The following ARHGEF1 variants were observed in gnomAD, a reference collection of about 807,000 sequenced individuals.
ARHGEF1 encodes Rho guanine nucleotide exchange factor 1, also known as 115 kDa guanine nucleotide exchange factor.
A neutral mutation model predicts 119.7 loss-of-function variants in ARHGEF1; 40 were observed. The ratio of observed to expected loss-of-function variants is 0.33; its 90% confidence interval spans 0.26 to 0.44. The LOEUF is 0.44. Among genes scored for constraint, ARHGEF1 ranks in the 20% least tolerant of loss-of-function variants. The pLI is 1.00. For missense variants in ARHGEF1, 976 were observed against 1,268.3 expected (o/e 0.77, Z 3.50); for synonymous variants, 494 against 521.0 (o/e 0.95, Z 0.71).
At chr19:41,912,957 G>A (rs1230758992) in intron 18 of ARHGEF1, 4 of 1,125,332 alleles carry the variant, frequency 3.6e-6, no homozygotes, top group Non-Finnish European at 4.5e-6. Flanking sequence ...AGGGACACAC[G>A]GGGACGGGGT....
At chr19:41,885,547 C>T (rs561093908) in intron 1 of ARHGEF1, among the ~76,000 whole-genome samples, 8 of 150,738 alleles carry the variant, frequency 5.3e-5, no homozygotes, top group South Asian at 4.2e-4. Context: ...CTGCAACCTC[C>T]GCCTCCCGGA....
chr19:41,897,450 C>A, intron 13 of ARHGEF1: 1 of 640,776 alleles, frequency 1.6e-6, no homozygotes, highest in Non-Finnish European at 2.2e-6. Flanking sequence ...GGGACATCAC[C>A]CTCCCAGTTG....
rs2074398351 is a variant in ARHGEF1, at chr19:41,892,793, CG to C, written c.559del (p.Glu187ArgfsTer63). On this transcript the variant is annotated frameshift_variant, in exon 7 of 29. Coordinates refer to ENST00000354532, the MANE Select transcript of ARHGEF1 (RefSeq NM_004706.4). LOFTEE classifies it high-confidence loss of function. This position sits in a 1 kb window ranked among gnomAD's most constrained non-coding sequence, Gnocchi z 6.3. ...AWVGRDRASY[E>X]ARERHVAERL... ...GGGTTGGGCGGGACCGAGCCAGCTA[CG>C]AGGCCCGGGAGCGGCACGTGGCGGA... The C allele has an allele frequency of 6.3e-7, 1 of 1,597,970 alleles. No homozygotes were observed. The highest frequency in any genetic ancestry group is 1.3e-5 in the African/African-American group (1 of 74,794).
rs782296067 is a variant in ARHGEF1 at position 41,895,462 on chromosome 19, C to G, written c.991C>G (p.Leu331Val). Residue 331 changes from leucine (L) to valine (V), a missense_variant, in exon 12 of 29, where the codon CTG becomes GTG. By Grantham distance (32) the Leu-to-Val change is conservative (BLOSUM62 1). Around this residue, in one of 3 missense-constraint regions of ARHGEF1, gnomAD observed 519 missense variants for 580.9 expected, o/e 0.89. Transcript: ENST00000354532. ...TPGVSLHPLS[L>V]DSPDREPGAD... ...TGGAGTCTCTCTGCACCCTCTGTCC[C>G]TGGACAGCCCAGACCGGGAACCAGG... 4 of 1,608,906 alleles carry G rather than the reference C, an allele frequency of 2.5e-6. No homozygotes were observed. The highest frequency in any genetic ancestry group is 3.4e-6 in the Non-Finnish European group (4 of 1,177,480).
chr19:41,884,314 C>CGGGGCCG (rs2074260290), intron 1 of ARHGEF1: 1 of 1,149,300 alleles, frequency 8.7e-7, no homozygotes, highest in African/African-American at 1.5e-5. Context: ...GTAGAGTCGT[C>CGGGGCCG]GGGGCCGGAG....
Position 41,888,719 on chromosome 19 carries a change from C to A in ARHGEF1, c.112-33C>A. Reference sequence around the variant, plus strand: ...TCAACCCTAAGGCCCCTCCTCTTCTCCCCATTGTACTCACCCCTTCCTGCA... The same window carrying A: ...TCAACCCTAAGGCCCCTCCTCTTCTACCCATTGTACTCACCCCTTCCTGCA... On this transcript the variant is annotated intron_variant, in intron 3 of 28. Transcript: ENST00000354532. This position sits in a 1 kb window ranked among gnomAD's most constrained non-coding sequence, Gnocchi z 5.1. 6.3e-7 allele frequency: 1 copy of A among 1,595,106 alleles called. No individual in the cohort carries two copies. The highest frequency in any genetic ancestry group is 1.1e-5 in the South Asian group (1 of 90,604).
downstream of ARHGEF1, chr19:41,909,299 C>A: frequency 8.1e-7 from 1 of 1,234,694 alleles, no homozygotes; most frequent in Non-Finnish European, 1.0e-6. This position sits in a 1 kb window ranked among gnomAD's most constrained non-coding sequence, Gnocchi z 5.2. Flanking sequence ...GGAGGAGCAT[C>A]TGGCCCTGGG....
Position 41,929,724 on chromosome 19 carries a change from C to T in ARHGEF1, c.368C>T (p.Pro123Leu), listed in dbSNP as rs2074894034. The change falls in exon 3 of 3, where the codon CCT becomes CTT. Residue 123 changes from proline to leucine, a missense_variant. Physicochemically the swap from Pro to Leu is moderately conservative, Grantham distance 98 (BLOSUM62 -3). Transcript: ENST00000594417. ...AAGGCAGCTCTCACCTGGGCAGCCCCTGGAGGCTTCTACCCCTAGAGGGGA... is the reference window on the plus strand; with the variant it reads ...AAGGCAGCTCTCACCTGGGCAGCCCTTGGAGGCTTCTACCCCTAGAGGGGA... 2.6e-5 allele frequency: 4 copies of T among 152,912 alleles called. No individual in the cohort carries two copies. The South Asian group carries it at 8.2e-4, about 31-fold the overall frequency. The allele number at this position is 152,912 out of a possible 1,614,324, so 9.5% of individuals were successfully genotyped here.
chr19:41,905,658 C>T lies in ARHGEF1; in HGVS notation c.2337-102C>T. 2.4e-6 allele frequency: 3 copies of T among 1,253,924 alleles called. No homozygotes were observed. The highest frequency in any genetic ancestry group is 3.4e-6 in the Non-Finnish European group (3 of 878,778). The allele number at this position is 1,253,924 out of a possible 1,614,324, so 77.7% of individuals were successfully genotyped here. On this transcript the variant is annotated intron_variant, in intron 24 of 28. Coordinates refer to ENST00000354532, the MANE Select transcript of ARHGEF1 (RefSeq NM_004706.4). This position sits in a 1 kb window ranked among gnomAD's most constrained non-coding sequence, Gnocchi z 6.4. The stretch of plus-strand genomic sequence containing the variant: ...TCCCGGCCTCGACCTCTGTCTCTGT[C>T]TCCGGACCTCCCTGCCTCCCCACCT...
In ARHGEF1 at chr19:41,898,479, G is replaced by A; in HGVS notation, c.1159G>A (p.Gly387Arg). 1 of 1,550,652 alleles carries A rather than the reference G, an allele frequency of 6.4e-7. No individual in the cohort carries two copies. Among genetic ancestry groups the A allele is most frequent in the Non-Finnish European group, 8.7e-7 (1 of 1,146,932 alleles). ...AGATGAGGGGGAGCCGGGGCGGTCG[G>A]GACTGGAGCTTGAACCAGAAGAGCC... ...PGDEGEPGRS[G>R]LELEPEEPPG... The change falls in exon 14 of 29, where the codon GGA (glycine) becomes AGA (arginine). Residue 387 changes from glycine (G) to arginine (R), a missense_variant. Physicochemically the swap from Gly to Arg is moderately radical, Grantham distance 125. Coordinates refer to ENST00000354532, the MANE Select transcript of ARHGEF1 (RefSeq NM_004706.4).
chr19:41,923,116 G>A, exon 1 of ARHGEF1: 1 of 456,336 alleles, frequency 2.2e-6, no homozygotes. Context: ...CACCACCTGT[G>A]AGGTAGGAAC....
At chr19:41,887,990 C>T in intron 1 of ARHGEF1, 74 bp from the exon 2 acceptor site, 3 of 1,508,760 alleles carry the variant, frequency 2.0e-6, no homozygotes, top group Non-Finnish European at 2.7e-6. Flanking sequence ...CACACCTGGG[C>T]CAGGAATCTG....
At chr19:41,896,848 C>G (rs1290862763) in intron 13 of ARHGEF1, 10 of 319,408 alleles carry the variant, frequency 3.1e-5, no homozygotes, top group Admixed American at 1.6e-4. Context: ...TCACCTCCCC[C>G]CTCCTCTCTC....
chr19:41,913,969 A>C (rs1446786153), intron 18 of ARHGEF1, among the ~76,000 whole-genome samples: 1 of 147,520 alleles, frequency 6.8e-6, no homozygotes, highest in Non-Finnish European at 1.5e-5. Context: ...GCTCTCAAAA[A>C]CCCACTCCTC....
At position 41,902,298 on chromosome 19, in the gene ARHGEF1, A is replaced by T. The variant is rs782423092; in HGVS notation, c.1439A>T (p.Lys480Met). 6.2e-7 allele frequency: 1 copy of T among 1,614,164 alleles called. No homozygotes were observed. The highest frequency in any genetic ancestry group is 8.5e-7 in the Non-Finnish European group (1 of 1,180,038). The change falls in exon 16 of 29, where the codon AAG becomes ATG. Residue 480 changes from lysine (K) to methionine (M), a missense_variant. Physicochemically the swap from Lys to Met is moderately conservative, Grantham distance 95. Around this residue, in one of 3 missense-constraint regions of ARHGEF1, gnomAD observed 286 missense variants for 506.8 expected, o/e 0.56. Transcript: ENST00000354532. This position sits in a 1 kb window ranked among gnomAD's most constrained non-coding sequence, Gnocchi z 6.5. Reference protein sequence around the residue: ...VHSLFLDRLMKRRQESGYLIE... With the variant: ...VHSLFLDRLMMRRQESGYLIE... ...GCCCTGTTCCTCGATCGCCTGATGA[A>T]GCGGAGGCAGGAGAGTGGCTACCTC...
In ARHGEF1 at chr19:41,906,165, C is replaced by T. The variant is rs1250647209; in HGVS notation, c.2491+140C>T. 2.4e-6 allele frequency: 2 copies of T among 816,532 alleles called. No homozygotes were observed. The highest frequency in any genetic ancestry group is 1.7e-5 in the African/African-American group (1 of 58,458). The allele number at this position is 816,532 out of a possible 1,614,324, so 50.6% of individuals were successfully genotyped here. A position where few individuals can be genotyped will look rare whatever the true frequency, so the allele number is the denominator to read the frequency against. ...ATGCTCCAAACCCACCCAGCCTGCA[C>T]CACTGTCCTGGGTGCCCACGTCCCT... is the stretch of plus-strand genomic sequence containing the variant. On this transcript the variant is annotated intron_variant, in intron 26 of 28. Coordinates refer to ENST00000354532, the MANE Select transcript of ARHGEF1 (RefSeq NM_004706.4). The surrounding 1 kb of genome is among the most constrained non-coding windows in gnomAD (Gnocchi z 4.5).
Position 41,888,469 on chromosome 19 carries a change from AC to A in ARHGEF1, c.111+195del, listed in dbSNP as rs1378860240. Among the ~76,000 whole-genome samples the A allele has an allele frequency of 1.3e-5, 2 of 151,376 alleles. No individual in the cohort carries two copies. Among genetic ancestry groups the A allele is most frequent in the African/African-American group, 4.9e-5 (2 of 41,076 alleles). ...TAGACGCCCACCCTTCTTACTCTTA[AC>A]CCCATTTCTTATCGTTGCTCTCTCC... is the stretch of plus-strand genomic sequence containing the variant. On this transcript the variant is annotated intron_variant, in intron 3 of 28. Coordinates refer to ENST00000354532, the MANE Select transcript of ARHGEF1 (RefSeq NM_004706.4). This position sits in a 1 kb window ranked among gnomAD's most constrained non-coding sequence, Gnocchi z 5.1.
chr19:41,897,928 C>G (rs2074539480), intron 13 of ARHGEF1: 1 of 1,300,046 alleles, frequency 7.7e-7, no homozygotes, highest in African/African-American at 1.5e-5. Context: ...TGACTCTGTC[C>G]TTGGCCTCGG....
chr19:41,905,150 C>A lies in ARHGEF1; in HGVS notation c.2250-25C>A, dbSNP rs781965000. 8.1e-6 allele frequency: 13 copies of A among 1,613,370 alleles called. No homozygotes were observed. The South Asian group carries it at 1.4e-4, about 18-fold the overall frequency. The stretch of plus-strand genomic sequence containing the variant: ...CATAGGGTCTGGGGGCTCTGACTGC[C>A]CAGGGATTTGGCCTTTCTCCCCAGC... On this transcript the variant is annotated intron_variant, in intron 23 of 28. Transcript: ENST00000354532. The surrounding 1 kb of genome is among the most constrained non-coding windows in gnomAD (Gnocchi z 6.4).
Sources: gnomAD v4.1 joint callset for allele counts (sites outside exome capture counted in the v4.1 genomes callset) on GRCh38, gnomAD v4.1.1 for gene constraint, gnomAD v4.1.1 regional missense constraint, Gnocchi (gnomAD v3.1) non-coding constraint, MANE v1.5 for transcripts, NCBI Gene and HGNC (gene_info 2026-07-23, HGNC 2026-07-21) for gene names.